Variants in PACSIN2 observed in about 807,000 individuals in gnomAD.
PACSIN2 encodes the protein protein kinase C and casein kinase substrate in neurons protein 2.
In PACSIN2, 25 loss-of-function variants were observed where a neutral mutation model predicts 63.8. The observed-to-expected ratio is 0.39, with a 90% confidence interval of 0.29 to 0.55. The LOEUF is 0.55. PACSIN2 is among the 20% of genes least tolerant of loss of function. The pLI is 0.62. For synonymous variants in PACSIN2, 255 were observed against 256.2 expected, an observed-to-expected ratio of 1.00 and a Z score of 0.05; for missense variants, 518 against 646.9, an observed-to-expected ratio of 0.80 and a Z score of 2.16.
intron 1 of PACSIN2, among the ~76,000 whole-genome samples, chr22:43,013,754 C>T (rs1405007431): frequency 2.0e-5 from 3 of 152,236 alleles, no homozygotes; most frequent in African/African-American, 7.2e-5. Flanking sequence ...GGTTCAAACT[C>T]TTTGAGCTGG....
At chr22:42,998,552 C>G (rs1923561479) in intron 1 of PACSIN2, among the ~76,000 whole-genome samples, 1 of 152,182 alleles carries the variant, frequency 6.6e-6, no homozygotes, top group African/African-American at 2.4e-5. Flanking sequence ...TTTTCACATT[C>G]AATGATTTAG....
At chr22:42,880,849 C>T (rs1337681738) in intron 7 of PACSIN2, among the ~76,000 whole-genome samples, 2 of 152,120 alleles carry the variant, frequency 1.3e-5, no homozygotes, top group Non-Finnish European at 2.9e-5. Context: ...CTCTAAGGGA[C>T]CCAGGCGAAT....
intron 1 of PACSIN2, among the ~76,000 whole-genome samples, chr22:42,955,250 G>A (rs1413616423): frequency 1.3e-5 from 2 of 152,134 alleles, no homozygotes; most frequent in South Asian, 2.1e-4. Flanking sequence ...TGTGAACTGC[G>A]TGGACAAGAG....
intron 10 of PACSIN2, among the ~76,000 whole-genome samples, chr22:42,873,938 G>C (rs748068482): frequency 6.6e-6 from 1 of 152,046 alleles, no homozygotes; most frequent in African/African-American, 2.4e-5. Flanking sequence ...ACAGGTGTGT[G>C]CCACCATGCC....
intron 5 of PACSIN2, 93 bp downstream of exon 5, chr22:42,888,550 C>A: frequency 8.0e-7 from 1 of 1,250,496 alleles, no homozygotes; most frequent in Non-Finnish European, 1.2e-6. Flanking sequence ...TCTATCCACC[C>A]ATTCACCCAA....
rs1924805554 is a variant in PACSIN2 at position 43,015,115 on chromosome 22, T to G, written c.-172A>C. On this transcript the variant is annotated 5_prime_UTR_variant, in exon 1 of 11. Coordinates refer to ENST00000263246, the MANE Select transcript of PACSIN2 (RefSeq NM_001184970.3). ...GCTACCGCTTTTGCTCCGGCAGCACTGCCCAGCCCTGCCCAGACCCCTGCG... is the reference window on the plus strand; with the variant it reads ...GCTACCGCTTTTGCTCCGGCAGCACGGCCCAGCCCTGCCCAGACCCCTGCG... 6.6e-6 allele frequency: 1 copy of G among 152,376 alleles called. No individual in the cohort carries two copies. The highest frequency in any genetic ancestry group is 2.1e-4 in the South Asian group (1 of 4,826). 9.4% of individuals were successfully genotyped at this position (152,376 alleles called of 1,614,324 possible).
intron 1 of PACSIN2, among the ~76,000 whole-genome samples, chr22:42,945,388 C>A (rs951235360): frequency 1.3e-5 from 2 of 152,130 alleles, no homozygotes; most frequent in Non-Finnish European, 2.9e-5. Context: ...TCTCTTACGT[C>A]TTCTGTGCCC....
At chr22:42,963,311 A>C (rs1035957621) in intron 1 of PACSIN2, among the ~76,000 whole-genome samples, 1 of 152,186 alleles carries the variant, frequency 6.6e-6, no homozygotes, top group Admixed American at 6.5e-5. Context: ...ATGTGGATTA[A>C]GGCGGAAGAA....
At chr22:42,923,747 T>A (rs1932354706) in intron 1 of PACSIN2, among the ~76,000 whole-genome samples, 1 of 152,132 alleles carries the variant, frequency 6.6e-6, no homozygotes, top group Admixed American at 6.5e-5. Context: ...CCTCTAAAAA[T>A]TTATCCTGAC....
At chr22:42,936,432 C>A (rs903243390) in intron 1 of PACSIN2, among the ~76,000 whole-genome samples, 11 of 152,166 alleles carry the variant, frequency 7.2e-5, no homozygotes, top group Admixed American at 2.0e-4. Context: ...TCCCCTCTGA[C>A]CTTCAGTTCC....
chr22:42,920,484 T>C (rs1042267232), intron 1 of PACSIN2, among the ~76,000 whole-genome samples: 7 of 152,334 alleles, frequency 4.6e-5, no homozygotes, highest in African/African-American at 1.2e-4. Context: ...CATTACAGCA[T>C]GGCTATTTTA....
intron 4 of PACSIN2, among the ~76,000 whole-genome samples, chr22:42,889,302 C>A (rs1929723608): frequency 6.6e-6 from 1 of 150,626 alleles, no homozygotes; most frequent in African/African-American, 2.4e-5. Flanking sequence ...AAGGAGGAAC[C>A]CAGCATGAGA....
intron 1 of PACSIN2, among the ~76,000 whole-genome samples, chr22:42,967,182 A>C (rs149534832): frequency 6.6e-6 from 1 of 152,088 alleles, no homozygotes. Context: ...GAAGATGCCC[A>C]GGAAGGCTGG....
chr22:42,990,396 C>T (rs578191038), intron 1 of PACSIN2, among the ~76,000 whole-genome samples: 2 of 152,246 alleles, frequency 1.3e-5, no homozygotes, highest in African/African-American at 4.8e-5. Flanking sequence ...AAGAACTGCA[C>T]ACTACAATAC....
At chr22:42,914,856 TTGAC>T (rs1266053478) in intron 1 of PACSIN2, among the ~76,000 whole-genome samples, 1 of 152,190 alleles carries the variant, frequency 6.6e-6, no homozygotes, top group Admixed American at 6.5e-5. Flanking sequence ...GACTGATTGA[TTGAC>T]TGACTGGTGG....
At chr22:42,905,045 C>T (rs1220336500) in intron 2 of PACSIN2, among the ~76,000 whole-genome samples, 1 of 152,214 alleles carries the variant, frequency 6.6e-6, no homozygotes, top group Non-Finnish European at 1.5e-5. Flanking sequence ...AAAAGTTATT[C>T]TGACATCACT....
intron 1 of PACSIN2, among the ~76,000 whole-genome samples, chr22:42,933,457 G>A (rs935318992): frequency 1.3e-5 from 2 of 152,134 alleles, no homozygotes; most frequent in African/African-American, 2.4e-5. Context: ...AAAAATAAAT[G>A]ACAAAATAAA....
chr22:42,962,470 T>C (rs1487234027), intron 1 of PACSIN2, among the ~76,000 whole-genome samples: 1 of 152,198 alleles, frequency 6.6e-6, no homozygotes, highest in African/African-American at 2.4e-5. Context: ...CCCCTCCAAC[T>C]TGACTTCCCT....
chr22:42,897,040 G>GAT (rs935195264), intron 2 of PACSIN2, among the ~76,000 whole-genome samples: 3 of 152,020 alleles, frequency 2.0e-5, no homozygotes, highest in Non-Finnish European at 2.9e-5. Flanking sequence ...AGGCTCAAGT[G>GAT]ATCCTCCCAC....
Sources: allele counts gnomAD v4.1 joint callset (sites outside exome capture counted in the v4.1 genomes callset), GRCh38; gene constraint gnomAD v4.1.1; transcripts MANE v1.5; gene names NCBI Gene and HGNC (gene_info 2026-07-23, HGNC 2026-07-21).